The following COL28A1 variants were observed in gnomAD, a reference collection of about 807,000 sequenced individuals.
The protein encoded by COL28A1 is collagen alpha-1(XXVIII) chain.
In COL28A1, 161 loss-of-function variants were observed where a neutral mutation model predicts 150.2. The ratio of observed to expected loss-of-function variants is 1.07; its 90% CI spans 0.94 to 1.22. The LOEUF (loss-of-function observed/expected upper bound fraction) is 1.22. COL28A1 is among the 50% of genes most tolerant of loss of function. COL28A1 has a pLI of 0.00. For synonymous variants in COL28A1, 552 were observed against 469.7 expected, an observed-to-expected ratio of 1.18 and a Z score of -2.26; for missense variants, 1,617 against 1,388.3, an observed-to-expected ratio of 1.16 and a Z score of -2.62.
At chr7:7,509,260 A>G (rs377192463) in intron 9 of COL28A1, among the ~76,000 whole-genome samples, 7 of 152,062 alleles carry the variant, frequency 4.6e-5, no homozygotes, top group South Asian at 2.1e-4. Context: ...CTTCCCAAGT[A>G]TCTGGAATTA....
rs986595664 is a variant in COL28A1 at position 7,417,760 on chromosome 7, A to T, written c.2136+99T>A. ...CATTTAACTGCGAGGCTCACAATAAATCTATTTCATAATAGCCATTTTTGC... is the reference window on the plus strand; with the variant it reads ...CATTTAACTGCGAGGCTCACAATAATTCTATTTCATAATAGCCATTTTTGC... On this transcript the variant is annotated intron_variant, in intron 27 of 34. Transcript: ENST00000399429. 44 of 968,540 alleles carry T rather than the reference A, an allele frequency of 4.5e-5. No homozygotes were observed. The Middle Eastern group carries it at 6.2e-4, about 14-fold the overall frequency. The allele number at this position is 968,540 out of a possible 1,614,324, so 60.0% of individuals were successfully genotyped here.
At chr7:7,460,337 T>G (rs1463596832) in intron 15 of COL28A1, among the ~76,000 whole-genome samples, 4 of 152,122 alleles carry the variant, frequency 2.6e-5, no homozygotes, top group Non-Finnish European at 5.9e-5. Flanking sequence ...AGTGGGAGCC[T>G]AGGGATGGAT....
At chr7:7,387,215 C>A (rs144914078) in intron 27 of COL28A1, among the ~76,000 whole-genome samples, 13 of 152,250 alleles carry the variant, frequency 8.5e-5, no homozygotes, top group East Asian at 3.9e-4. Context: ...GGGCCCAGAT[C>A]TTTAGAGATG....
In COL28A1 at chr7:7,512,875, C is replaced by T. The variant is rs192724713; in HGVS notation, c.883-1740G>A. ...GCTGCTTCTTTATTCTGCCTCTGTA[C>T]TGCTCTAGGGCATGTTACTGGAAGT... On this transcript the variant is annotated intron_variant, in intron 8 of 34. Coordinates refer to ENST00000399429, the MANE Select transcript of COL28A1 (RefSeq NM_001037763.3). 4.0e-3 allele frequency among the ~76,000 whole-genome samples: 610 copies of T among 152,316 alleles called. 10 individuals carry two copies. The highest frequency in any genetic ancestry group is 2.7e-3 in the Non-Finnish European group (187 of 68,040).
At chr7:7,540,760 G>T (rs1211792468), upstream of COL28A1, among the ~76,000 whole-genome samples, 3 of 152,176 alleles carry the variant, frequency 2.0e-5, no homozygotes, top group East Asian at 5.8e-4. Context: ...ACATTAAAGA[G>T]TCTCACCTCT....
intron 3 of COL28A1, among the ~76,000 whole-genome samples, chr7:7,525,798 A>G (rs976324114): frequency 6.6e-6 from 1 of 152,344 alleles, no homozygotes; most frequent in East Asian, 1.9e-4. Context: ...TTCAACAATT[A>G]ACTAGCTATG....
At chr7:7,371,083 A>C (rs961095546) in intron 32 of COL28A1, among the ~76,000 whole-genome samples, 1 of 152,246 alleles carries the variant, frequency 6.6e-6, no homozygotes, top group Non-Finnish European at 1.5e-5. Flanking sequence ...ACAAAGAGGC[A>C]AAAGAATGAC....
intron 27 of COL28A1, among the ~76,000 whole-genome samples, chr7:7,409,394 TAGAC>T (rs1043230890): frequency 1.3e-5 from 2 of 151,934 alleles, no homozygotes; most frequent in Non-Finnish European, 2.9e-5. Flanking sequence ...CTTTATATAT[TAGAC>T]AGATATGAGT....
At chr7:7,369,507 T>C (rs1781108551) in intron 33 of COL28A1, among the ~76,000 whole-genome samples, 1 of 152,260 alleles carries the variant, frequency 6.6e-6, no homozygotes, top group Admixed American at 6.5e-5. Flanking sequence ...ACACCTGGTA[T>C]AGACCATGGA....
intron 11 of COL28A1, among the ~76,000 whole-genome samples, chr7:7,495,348 G>A (rs13312659): frequency 0.6 from 91,850 of 151,950 alleles, 29,572 homozygotes; most frequent in Non-Finnish European, 0.71. Context: ...TGGGCACTGC[G>A]GTTTAGAGTG....
At chr7:7,455,096 T>G (rs1052101562) in intron 16 of COL28A1, among the ~76,000 whole-genome samples, 1 of 152,208 alleles carries the variant, frequency 6.6e-6, no homozygotes, top group African/African-American at 2.4e-5. Flanking sequence ...AATTATCTCA[T>G]TTTTTAAATT....
chr7:7,473,476 C>G (rs1433817808), intron 15 of COL28A1, among the ~76,000 whole-genome samples: 2 of 152,078 alleles, frequency 1.3e-5, no homozygotes, highest in African/African-American at 4.8e-5. Flanking sequence ...CAAATCAAAA[C>G]CACAATGTGA....
chr7:7,391,817 T>C (rs1384624877), intron 27 of COL28A1, among the ~76,000 whole-genome samples: 1 of 150,734 alleles, frequency 6.6e-6, no homozygotes, highest in Non-Finnish European at 1.5e-5. Context: ...TTTTTTTTTT[T>C]TTTGCTTTCC....
chr7:7,490,646 C>G lies in COL28A1; in HGVS notation c.1027G>C (p.Gly343Arg), dbSNP rs1779865760. 8.1e-7 allele frequency: 1 copy of G among 1,233,512 alleles called. No individual in the cohort carries two copies. Among genetic ancestry groups the G allele is most frequent in the Non-Finnish European group, 1.2e-6 (1 of 833,924 alleles). 76.4% of individuals were successfully genotyped at this position (1,233,512 alleles called of 1,614,324 possible). A position where few individuals can be genotyped will look rare whatever the true frequency, so the allele number is the denominator to read the frequency against. ...PGPKGFQGNK[G>R]EPGPPGPYGS... is the part of the protein sequence containing the mutation. Reference sequence around the variant, plus strand: ...TAAGGACCAGGAGGACCTGGCTCACCCTGGAGGAAGAAATAGTGACATCAG... The same window carrying G: ...TAAGGACCAGGAGGACCTGGCTCACGCTGGAGGAAGAAATAGTGACATCAG... The change falls in exon 12 of 35, where the codon GGT becomes CGT. Residue 343 changes from glycine to arginine, a missense_variant and splice_region_variant. Coordinates refer to ENST00000399429, the MANE Select transcript of COL28A1 (RefSeq NM_001037763.3).
chr7:7,537,481 T>C (rs1782685181), upstream of COL28A1, among the ~76,000 whole-genome samples: 1 of 152,136 alleles, frequency 6.6e-6, no homozygotes, highest in African/African-American at 2.4e-5. Context: ...TTGTACTTAG[T>C]AGATGTTGTA....
intron 27 of COL28A1, among the ~76,000 whole-genome samples, chr7:7,398,061 T>A (rs1782949222): frequency 6.6e-6 from 1 of 152,226 alleles, no homozygotes; most frequent in African/African-American, 2.4e-5. Flanking sequence ...AATAAATAGC[T>A]GAACACAGGG....
At chr7:7,417,775 G>C in intron 27 of COL28A1, 84 bp downstream of exon 27, 1 of 1,089,146 alleles carries the variant, frequency 9.2e-7, no homozygotes, top group Non-Finnish European at 1.4e-6. Context: ...TTTCATAATA[G>C]CCATTTTTGC....
intron 13 of COL28A1, among the ~76,000 whole-genome samples, chr7:7,483,383 A>G (rs1013751415): frequency 6.6e-5 from 10 of 152,202 alleles, no homozygotes; most frequent in African/African-American, 2.4e-4. Flanking sequence ...AGTAGAAAAA[A>G]GCCATCCCAT....
At chr7:7,354,597 T>G (rs768461738), downstream of COL28A1, among the ~76,000 whole-genome samples, 51 of 152,164 alleles carry the variant, frequency 3.4e-4, no homozygotes, top group Non-Finnish European at 5.4e-4. Context: ...GCTATTAGTA[T>G]TGTTATTCTC....
Sources: gnomAD v4.1 joint callset for allele counts (sites outside exome capture counted in the v4.1 genomes callset) on GRCh38, gnomAD v4.1.1 for gene constraint, MANE v1.5 for transcripts, NCBI Gene and HGNC (gene_info 2026-07-23, HGNC 2026-07-21) for gene names.